MICAL3: variants seen among roughly 807,000 people sequenced by gnomAD.
MICAL3 encodes the protein microtubule associated monooxygenase, calponin and LIM domain containing 3, also known as [F-actin]-monooxygenase MICAL3.
A neutral mutation model predicts 207.4 loss-of-function variants in MICAL3; 62 were observed. The ratio of observed to expected loss-of-function variants is 0.30; its 90% CI spans 0.24 to 0.37. The LOEUF is 0.37. MICAL3 is among the 10% of genes least tolerant of loss of function. MICAL3 has a pLI of 1.00. For synonymous variants in MICAL3, 1,077 were observed against 1,069.3 expected (o/e 1.01, Z -0.14); for missense variants, 2,368 against 2,635.6 (o/e 0.90, Z 2.22).
chr22:17,844,648 G>A (rs1199266798), intron 19 of MICAL3, among the ~76,000 whole-genome samples: 2 of 152,212 alleles, frequency 1.3e-5, no homozygotes, highest in Non-Finnish European at 2.9e-5. Context: ...GGCAAAACAC[G>A]AATACTTGAG....
intron 1 of MICAL3, among the ~76,000 whole-genome samples, chr22:17,960,616 A>T (rs1934864083): frequency 6.6e-6 from 1 of 152,180 alleles, no homozygotes; most frequent in South Asian, 2.1e-4. Context: ...AGGATTGGCA[A>T]GGGGCTCCGG....
At chr22:17,903,012 G>A (rs1182449279) in intron 3 of MICAL3, among the ~76,000 whole-genome samples, 6 of 152,160 alleles carry the variant, frequency 3.9e-5, no homozygotes, top group African/African-American at 7.2e-5. Flanking sequence ...TCAAAAGCTC[G>A]GAGACAACAT....
chr22:17,987,292 T>C (rs1921131491), intron 1 of MICAL3, among the ~76,000 whole-genome samples: 1 of 152,120 alleles, frequency 6.6e-6, no homozygotes, highest in Non-Finnish European at 1.5e-5. Flanking sequence ...TGACAGGCAA[T>C]GGAGGAGAGG....
chr22:17,915,141 A>G (rs973513126), intron 1 of MICAL3, among the ~76,000 whole-genome samples: 1 of 152,266 alleles, frequency 6.6e-6, no homozygotes, highest in Non-Finnish European at 1.5e-5. Context: ...GCCGGAATCC[A>G]ATCTATAACG....
intron 16 of MICAL3, among the ~76,000 whole-genome samples, chr22:17,880,964 G>A (rs776636900): frequency 6.6e-6 from 1 of 152,230 alleles, no homozygotes. Context: ...CTTCTAGTTC[G>A]TGGTGGGACA....
At chr22:17,810,948 T>G in intron 27 of MICAL3, 135 bp from the exon 28 acceptor site, 1 of 675,134 alleles carries the variant, frequency 1.5e-6, no homozygotes, top group Non-Finnish European at 2.7e-6. Context: ...GGACAAGCTG[T>G]CCTCTGTAGA....
At chr22:17,977,293 G>A (rs9617648) in intron 1 of MICAL3, among the ~76,000 whole-genome samples, 1 of 151,948 alleles carries the variant, frequency 6.6e-6, no homozygotes, top group Non-Finnish European at 1.5e-5. Context: ...ATCAGGTAAC[G>A]GATAGGGAAC....
chr22:17,908,516 C>A (rs1284276933), intron 1 of MICAL3, among the ~76,000 whole-genome samples: 1 of 152,114 alleles, frequency 6.6e-6, no homozygotes, highest in African/African-American at 2.4e-5. Context: ...ATCGTGTTAG[C>A]CAGGATGGTC....
chr22:17,945,448 G>A (rs1404102809), intron 1 of MICAL3, among the ~76,000 whole-genome samples: 1 of 152,186 alleles, frequency 6.6e-6, no homozygotes, highest in East Asian at 1.9e-4. Context: ...CAGGCCCTGT[G>A]GGAGTAGGAG....
In MICAL3 at chr22:17,818,584, C is replaced by T. The variant is rs1490415699; in HGVS notation, c.4077G>A (p.Arg1359=). 6.2e-7 allele frequency: 1 copy of T among 1,613,658 alleles called. No individual in the cohort carries two copies. The highest frequency in any genetic ancestry group is 8.5e-7 in the Non-Finnish European group (1 of 1,179,892). ...PEPSFPTPAF[R]PVSLKSYSVE... ...CGGAATAGGATTTGAGGGACACTGG[C>T]CTGAAGGCAGGCGTGGGGAAGCTGG... Residue 1359 remains arginine (R), a synonymous_variant, in exon 26 of 32, where the codon AGG becomes AGA. Coordinates refer to ENST00000441493, the MANE Select transcript of MICAL3 (RefSeq NM_015241.3).
chr22:17,834,687 A>C, intron 20 of MICAL3: 2 of 822,790 alleles, frequency 2.4e-6, no homozygotes, highest in African/African-American at 1.9e-5. Context: ...GGAGAGGTCG[A>C]AAGTGGGCAA....
intron 21 of MICAL3, among the ~76,000 whole-genome samples, chr22:17,831,625 G>A (rs367922): frequency 0.57 from 87,185 of 152,072 alleles, 25,623 homozygotes; most frequent in Non-Finnish European, 0.63. Context: ...TCCACTTCCA[G>A]TTTCTAAACC....
intron 1 of MICAL3, among the ~76,000 whole-genome samples, chr22:17,913,019 G>C (rs1435758549): frequency 6.6e-6 from 1 of 152,156 alleles, no homozygotes; most frequent in Admixed American, 6.5e-5. Flanking sequence ...AGTCTGGTGA[G>C]TATTTCTATC....
At chr22:17,904,888 T>C (rs780267439) in intron 2 of MICAL3, 49 bp from the exon 3 acceptor site, 1 of 1,332,670 alleles carries the variant, frequency 7.5e-7, no homozygotes, top group Non-Finnish European at 1.1e-6. Context: ...CAACAAACAA[T>C]TCTCAAGAAG....
rs1927157008 is a variant in MICAL3 at position 17,866,618 on chromosome 22, TA to T, written c.2429-607del. ...GGGAACAGCATAGAACAGAACAGAA[TA>T]GAATAGAATAGAATAGAATAGAATA... On this transcript the variant is annotated intron_variant, in intron 17 of 31. Coordinates refer to ENST00000441493, the MANE Select transcript of MICAL3 (RefSeq NM_015241.3). Among the ~76,000 whole-genome samples the T allele has an allele frequency of 3.6e-3, 408 of 113,500 alleles. 2 individuals carry two copies. The highest frequency in any genetic ancestry group is 0.014 in the African/African-American group (389 of 28,104). The allele number at this position is 113,500 out of a possible 152,430, so 74.5% of individuals were successfully genotyped here. A position where few individuals can be genotyped will look rare whatever the true frequency, so the allele number is the denominator to read the frequency against.
At position 17,790,535 on chromosome 22, in the gene MICAL3, G is replaced by A. The variant is rs1343960164; in HGVS notation, c.*197C>T. The A allele has an allele frequency of 1.4e-5, 8 of 591,128 alleles. No homozygotes were observed. Among genetic ancestry groups the A allele is most frequent in the Non-Finnish European group, 2.1e-5 (7 of 334,620 alleles). 36.6% of individuals were successfully genotyped at this position (591,128 alleles called of 1,614,324 possible). A position where few individuals can be genotyped will look rare whatever the true frequency, so the allele number is the denominator to read the frequency against. ...CAGGTGGGCCTCCTCCCAGGAGGTG[G>A]AGCCGTCTCAGATAACCACTGTCAC... is the stretch of plus-strand genomic sequence containing the variant. On this transcript the variant is annotated 3_prime_UTR_variant, in exon 32 of 32. Coordinates refer to ENST00000441493, the MANE Select transcript of MICAL3 (RefSeq NM_015241.3).
intron 16 of MICAL3, among the ~76,000 whole-genome samples, chr22:17,877,368 AGGGAGG>A (rs1258105624): frequency 1.0e-4 from 11 of 108,154 alleles, no homozygotes; most frequent in Admixed American, 2.9e-4. Flanking sequence ...TATGGAGGTT[AGGGAGG>A]TGAGGGAGGT....
chr22:17,890,281 C>T (rs1366791132), intron 12 of MICAL3, among the ~76,000 whole-genome samples: 4 of 152,092 alleles, frequency 2.6e-5, no homozygotes, highest in Non-Finnish European at 4.4e-5. Flanking sequence ...TGAACAGTGC[C>T]GCGCTGTCCC....
intron 16 of MICAL3, chr22:17,884,173 G>A: frequency 1.5e-6 from 1 of 673,730 alleles, no homozygotes; most frequent in Non-Finnish European, 2.4e-6. Flanking sequence ...GCCCTCATGA[G>A]CTAGGATTCC....
Sources: allele counts gnomAD v4.1 joint callset (sites outside exome capture counted in the v4.1 genomes callset), GRCh38; gene constraint gnomAD v4.1.1; transcripts MANE v1.5; gene names NCBI Gene and HGNC (gene_info 2026-07-23, HGNC 2026-07-21).